The following KCNMA1 variants were observed in gnomAD, a reference collection of about 807,000 sequenced individuals.
KCNMA1 encodes the protein Calcium-activated potassium channel subunit alpha-1.
In KCNMA1, 29 loss-of-function variants were observed where a neutral mutation model predicts 140.0. The ratio of observed to expected loss-of-function variants is 0.21; its 90% CI spans 0.15 to 0.28. The LOEUF is 0.28. Among genes scored for constraint, KCNMA1 ranks in the 10% least tolerant of loss-of-function variants. KCNMA1 has a pLI of 1.00. For synonymous variants in KCNMA1, 612 were observed against 611.9 expected (o/e 1.00, Z 0.00); for missense variants, 880 against 1,602.2 (o/e 0.55, Z 7.70).
At chr10:77,000,860 ATATATAT>A (rs1565461371) in intron 19 of KCNMA1, among the ~76,000 whole-genome samples, 26,962 of 74,194 alleles carry the variant, frequency 0.36, 5,786 homozygotes, top group Non-Finnish European at 0.43. Flanking sequence ...AAAAGAAAAT[ATATATAT>A]ATATATATAT....
At chr10:77,344,965 T>C (rs1380325617) in intron 2 of KCNMA1, among the ~76,000 whole-genome samples, 3 of 152,108 alleles carry the variant, frequency 2.0e-5, no homozygotes, top group Non-Finnish European at 4.4e-5. Context: ...TTCATAACAA[T>C]CTTCATTTAT....
intron 1 of KCNMA1, among the ~76,000 whole-genome samples, chr10:77,419,611 G>A (rs1205812727): frequency 6.6e-6 from 1 of 152,150 alleles, no homozygotes; most frequent in Non-Finnish European, 1.5e-5. Context: ...TTTGAACTCA[G>A]TGGTAGTGAC....
chr10:77,137,143 G>A (rs563691011), intron 5 of KCNMA1, among the ~76,000 whole-genome samples: 12 of 151,988 alleles, frequency 7.9e-5, no homozygotes, highest in Non-Finnish European at 1.6e-4. Flanking sequence ...CTGCTTCAGG[G>A]TTCCTGTGAT....
At chr10:77,576,433 T>A (rs543881567) in intron 1 of KCNMA1, among the ~76,000 whole-genome samples, 1 of 152,352 alleles carries the variant, frequency 6.6e-6, no homozygotes, top group African/African-American at 2.4e-5. Context: ...CTCCTCTTGC[T>A]ATGTCACAAC....
chr10:77,263,148 T>C (rs2062468917), intron 2 of KCNMA1, among the ~76,000 whole-genome samples: 1 of 152,126 alleles, frequency 6.6e-6, no homozygotes, highest in Non-Finnish European at 1.5e-5. Context: ...TCCAAGAAAC[T>C]TGTATTACAT....
At chr10:76,915,870 G>C (rs1453292081) in intron 23 of KCNMA1, among the ~76,000 whole-genome samples, 1 of 152,000 alleles carries the variant, frequency 6.6e-6, no homozygotes, top group East Asian at 1.9e-4. Context: ...GTAGTGCCAG[G>C]AACTGAGGCA....
chr10:77,251,218 T>C lies in KCNMA1; in HGVS notation c.579A>G (p.Val193=). The C allele has an allele frequency of 6.2e-7, 1 of 1,611,878 alleles. No individual in the cohort carries two copies. The highest frequency in any genetic ancestry group is 8.5e-7 in the Non-Finnish European group (1 of 1,178,104). ...LVFALSIGAL[V]IYFIDSSNPI... ...ACTTTGATGAATCTATGAAGTATAT[T>C]ACAAGTGCACCGATGCTGAGAGCAA... The change falls in exon 3 of 28, where the codon GTA becomes GTG. Residue 193 remains valine (V), a synonymous_variant. Coordinates refer to ENST00000286628, the MANE Select transcript of KCNMA1 (RefSeq NM_001161352.2).
Position 77,439,147 on chromosome 10 carries a change from GAAAAGAGAAGAGAAGAA to G in KCNMA1, c.379-35141_379-35125del, listed in dbSNP as rs1415224995. ...GAAGAGAAGAGAAGAGAAGAGAAGA[GAAAAGAGAAGAGAAGAA>G]AAGAAAAGAGAAGAGAAGATTCCAA... On this transcript the variant is annotated intron_variant, in intron 1 of 27. Transcript: ENST00000286628. 1.2e-3 allele frequency among the ~76,000 whole-genome samples: 129 copies of G among 105,388 alleles called. 1 individual carries two copies. The highest frequency in any genetic ancestry group is 9.4e-3 in the Middle Eastern group (2 of 212). 69.1% of individuals were successfully genotyped at this position (105,388 alleles called of 152,430 possible).
intron 2 of KCNMA1, among the ~76,000 whole-genome samples, chr10:77,284,398 G>T (rs2069917012): frequency 1.3e-5 from 2 of 152,094 alleles, no homozygotes; most frequent in East Asian, 3.9e-4. Context: ...AATGGGCTAG[G>T]TCATCATACA....
intron 14 of KCNMA1, among the ~76,000 whole-genome samples, chr10:77,047,922 C>G (rs2095166673): frequency 6.6e-6 from 1 of 151,954 alleles, no homozygotes; most frequent in Admixed American, 6.6e-5. Context: ...CCCTTCTTAC[C>G]CCATCTGAGG....
chr10:77,514,379 C>A (rs946746855), intron 1 of KCNMA1, among the ~76,000 whole-genome samples: 14 of 152,202 alleles, frequency 9.2e-5, no homozygotes, highest in Non-Finnish European at 2.1e-4. Flanking sequence ...GGTCATCTGG[C>A]ACCTAATCCA....
chr10:77,558,707 C>T (rs2065366626), intron 1 of KCNMA1, among the ~76,000 whole-genome samples: 1 of 152,182 alleles, frequency 6.6e-6, no homozygotes. Flanking sequence ...GAGAACACTG[C>T]TGCATCTCAT....
chr10:77,361,638 G>A (rs2093955707), intron 2 of KCNMA1, among the ~76,000 whole-genome samples: 1 of 152,266 alleles, frequency 6.6e-6, no homozygotes, highest in Non-Finnish European at 1.5e-5. Context: ...CCGAGTCACT[G>A]CAAGGAGCAG....
intron 1 of KCNMA1, among the ~76,000 whole-genome samples, chr10:77,548,662 C>G (rs1048323288): frequency 2.6e-5 from 4 of 152,170 alleles, no homozygotes; most frequent in African/African-American, 9.7e-5. Context: ...TGCATCAGGA[C>G]TGAGGAGACT....
At chr10:77,629,625 A>G (rs2092948461) in intron 1 of KCNMA1, among the ~76,000 whole-genome samples, 1 of 152,202 alleles carries the variant, frequency 6.6e-6, no homozygotes, top group Admixed American at 6.5e-5. Context: ...TTCAGAGATC[A>G]GATGTTCATA....
chr10:77,434,183 C>G (rs1392570303), intron 1 of KCNMA1, among the ~76,000 whole-genome samples: 3 of 152,224 alleles, frequency 2.0e-5, no homozygotes, highest in African/African-American at 7.2e-5. Context: ...TGACCACTGG[C>G]AAGGGGCCTT....
chr10:77,603,066 G>T (rs957807356), intron 1 of KCNMA1, among the ~76,000 whole-genome samples: 1 of 152,204 alleles, frequency 6.6e-6, no homozygotes, highest in African/African-American at 2.4e-5. Flanking sequence ...GCAAGGAAGA[G>T]TACAGTCTGG....
chr10:77,234,797 A>G (rs1188819254), intron 3 of KCNMA1, among the ~76,000 whole-genome samples: 1 of 152,190 alleles, frequency 6.6e-6, no homozygotes, highest in African/African-American at 2.4e-5. Context: ...ATAGCTAACA[A>G]ATGACAGAGT....
At chr10:77,405,710 A>G (rs1009570918) in intron 1 of KCNMA1, among the ~76,000 whole-genome samples, 1 of 152,388 alleles carries the variant, frequency 6.6e-6, no homozygotes, top group East Asian at 1.9e-4. Flanking sequence ...TTCATCATTT[A>G]AAACTCTGGA....
Sources: allele counts gnomAD v4.1 joint callset (sites outside exome capture counted in the v4.1 genomes callset), GRCh38; gene constraint gnomAD v4.1.1; transcripts MANE v1.5; gene names NCBI Gene and HGNC (gene_info 2026-07-23, HGNC 2026-07-21).